Variants in ADGRF4 observed in about 807,000 individuals in gnomAD.
ADGRF4 encodes adhesion G protein-coupled receptor F4, also known as G-protein coupled receptor PGR18.
ADGRF4 carries 63 observed loss-of-function variants against 58.5 expected under a neutral mutation model. The ratio of observed to expected loss-of-function variants is 1.08; its 90% CI spans 0.88 to 1.33. The LOEUF (loss-of-function observed/expected upper bound fraction) is 1.33, where lower values mean the gene tolerates loss of function less well. Among genes scored for constraint, ADGRF4 ranks in the 40% most tolerant of loss-of-function variants. The probability of loss-of-function intolerance (pLI) is 0.00; values close to 1 mark genes in which losing one functional copy is unlikely to be tolerated. For missense variants in ADGRF4, 931 were observed against 843.9 expected (o/e 1.10, Z -1.28); for synonymous variants, 313 against 295.4 (o/e 1.06, Z -0.61).
chr6:47,708,298 T>C lies in ADGRF4; in HGVS notation c.148+20T>C, dbSNP rs114461708. On this transcript the variant is annotated intron_variant, in intron 3 of 9. Transcript: ENST00000283303. ...TCCAAGGTATGTGGCTATAGAACAGTCTTCATCCATTTGAAGACAGGGAAG... is the reference window on the plus strand; with the variant it reads ...TCCAAGGTATGTGGCTATAGAACAGCCTTCATCCATTTGAAGACAGGGAAG... The C allele has an allele frequency of 0.018, 28,962 of 1,583,078 alleles. 332 individuals are homozygous for C. The highest frequency in any genetic ancestry group is 0.034 in the Middle Eastern group (205 of 5,978).
intron 3 of ADGRF4, among the ~76,000 whole-genome samples, chr6:47,709,953 G>C (rs1771821287): frequency 6.6e-6 from 1 of 152,090 alleles, no homozygotes; most frequent in South Asian, 2.1e-4. Context: ...GCCAGAGAAG[G>C]CTGGAATGTG....
chr6:47,716,242 T>C (rs1772015312), intron 6 of ADGRF4, among the ~76,000 whole-genome samples: 1 of 152,108 alleles, frequency 6.6e-6, no homozygotes, highest in South Asian at 2.1e-4. Context: ...TGATGAGTGT[T>C]TCTTCACCAT....
rs1186711436 is a variant in ADGRF4, at chr6:47,714,811, C to G, written c.1566C>G (p.Gly522=). ...TGATGGTCATTGGCTTTGCCATTGG[C>G]TATGGGTGCCCATTGATCATTGCTG... The part of the protein sequence containing the change: ...SRMMVIGFAI[G]YGCPLIIAVT... Residue 522 remains glycine (G), a synonymous_variant, in exon 6 of 10, where the codon GGC becomes GGG. Coordinates refer to ENST00000283303, the MANE Select transcript of ADGRF4 (RefSeq NM_153838.5). 3 of 1,613,546 alleles carry G rather than the reference C, an allele frequency of 1.9e-6. No homozygotes were observed. The highest frequency in any genetic ancestry group is 2.5e-6 in the Non-Finnish European group (3 of 1,179,454).
chr6:47,710,792 A>G lies in ADGRF4; in HGVS notation c.206A>G (p.Asp69Gly). The change falls in exon 4 of 10, where the codon GAC becomes GGC. Residue 69 changes from aspartate to glycine, a missense_variant. Transcript: ENST00000283303. ...AACTGCAGCCAGCCCTGTGCTAAGG[A>G]CTTTCATGGAGAAATAGGATTTACA... Reference protein sequence around the residue: ...SSNCSQPCAKDFHGEIGFTCN... With the variant: ...SSNCSQPCAKGFHGEIGFTCN... 6.2e-7 allele frequency: 1 copy of G among 1,613,708 alleles called. No individual in the cohort carries two copies. The highest frequency in any genetic ancestry group is 8.5e-7 in the Non-Finnish European group (1 of 1,179,704).
intron 7 of ADGRF4, 148 bp downstream of exon 7, chr6:47,716,995 A>C (rs1772035973): frequency 1.5e-6 from 1 of 653,492 alleles, no homozygotes; most frequent in East Asian, 2.6e-5. Flanking sequence ...AGAAAAAAAA[A>C]ACACACCAAT....
chr6:47,710,477 A>T (rs937888864), intron 3 of ADGRF4, among the ~76,000 whole-genome samples: 2 of 151,926 alleles, frequency 1.3e-5, no homozygotes, highest in African/African-American at 4.8e-5. Context: ...ATCTCTTGCC[A>T]CTCCCCCTTC....
intron 2 of ADGRF4, among the ~76,000 whole-genome samples, chr6:47,707,925 CTG>C (rs1771759158): frequency 6.6e-6 from 1 of 152,184 alleles, no homozygotes; most frequent in African/African-American, 2.4e-5. Flanking sequence ...ATTCTCATCT[CTG>C]TGTTCTCCCT....
intron 9 of ADGRF4, among the ~76,000 whole-genome samples, chr6:47,720,086 C>T (rs1772121155): frequency 6.6e-6 from 1 of 152,128 alleles, no homozygotes; most frequent in Non-Finnish European, 1.5e-5. Context: ...TTGCAGCTGG[C>T]ATCATGGTAG....
At chr6:47,710,578 T>C (rs1202065628) in intron 3 of ADGRF4, among the ~76,000 whole-genome samples, 157 bp from the exon 4 acceptor site, 2 of 152,168 alleles carry the variant, frequency 1.3e-5, no homozygotes, top group Admixed American at 1.3e-4. Context: ...ACAATCTACC[T>C]GGCAGCTCTT....
At chr6:47,715,255 A>G (rs74759462) in intron 6 of ADGRF4, 78 bp downstream of exon 6, 1 of 1,041,590 alleles carries the variant, frequency 9.6e-7, no homozygotes, top group Admixed American at 2.3e-5. Context: ...AAATTATATA[A>G]CACAAAATGT....
At chr6:47,705,999 G>A (rs537454827) in intron 1 of ADGRF4, among the ~76,000 whole-genome samples, 1 of 152,288 alleles carries the variant, frequency 6.6e-6, no homozygotes, top group East Asian at 1.9e-4. Context: ...GTAAATGTTG[G>A]TTGATAGAAT....
intron 5 of ADGRF4, 64 bp from the exon 6 acceptor site, chr6:47,713,734 A>G: frequency 7.6e-7 from 1 of 1,309,318 alleles, no homozygotes; most frequent in South Asian, 1.9e-5. Context: ...TTCAGGTTTT[A>G]GAAATCAACT....
At chr6:47,705,560 C>T (rs964357252) in intron 1 of ADGRF4, among the ~76,000 whole-genome samples, 1 of 152,210 alleles carries the variant, frequency 6.6e-6, no homozygotes, top group Non-Finnish European at 1.5e-5. Flanking sequence ...ACACACCTTC[C>T]CCTCTGTTCA....
chr6:47,704,442 C>T (rs1044982962), intron 1 of ADGRF4, among the ~76,000 whole-genome samples: 22 of 152,288 alleles, frequency 1.4e-4, no homozygotes, highest in Admixed American at 4.6e-4. Flanking sequence ...CCTTCAGCAT[C>T]GGTCCTATTA....
At chr6:47,703,002 A>G (rs1204931964) in intron 1 of ADGRF4, among the ~76,000 whole-genome samples, 3 of 151,776 alleles carry the variant, frequency 2.0e-5, no homozygotes, top group Non-Finnish European at 4.4e-5. Flanking sequence ...CATCTGGACA[A>G]TTCTCACTCT....
At chr6:47,703,825 A>G (rs1009754740) in intron 1 of ADGRF4, among the ~76,000 whole-genome samples, 3 of 152,204 alleles carry the variant, frequency 2.0e-5, no homozygotes, top group African/African-American at 7.2e-5. Flanking sequence ...ATTTGCAGAA[A>G]ATGTCATAGC....
chr6:47,709,916 T>G (rs1044641103), intron 3 of ADGRF4, among the ~76,000 whole-genome samples: 1 of 151,960 alleles, frequency 6.6e-6, no homozygotes, highest in Admixed American at 6.6e-5. Flanking sequence ...CCAAACATAG[T>G]GCTGAAGCCC....
rs1011806178 is a variant in ADGRF4 at position 47,720,584 on chromosome 6, G to A, written c.*4-625G>A. ...TGGAGAAACAGGGAACTTAGCTTTG[G>A]GTATAGATTCTCATTGGGAACCCCA... On this transcript the variant is annotated intron_variant, in intron 9 of 9. Coordinates refer to ENST00000283303, the MANE Select transcript of ADGRF4 (RefSeq NM_153838.5). 2.6e-5 allele frequency among the ~76,000 whole-genome samples: 4 copies of A among 152,124 alleles called. No homozygotes were observed. The South Asian group carries it at 8.3e-4, about 32-fold the overall frequency.
intron 1 of ADGRF4, among the ~76,000 whole-genome samples, chr6:47,706,932 T>C (rs1159815280): frequency 6.6e-6 from 1 of 152,264 alleles, no homozygotes; most frequent in Non-Finnish European, 1.5e-5. Flanking sequence ...GACTATTAAA[T>C]AAACTTGTTA....
Sources: allele counts gnomAD v4.1 joint callset (sites outside exome capture counted in the v4.1 genomes callset), GRCh38; gene constraint gnomAD v4.1.1; transcripts MANE v1.5; gene names NCBI Gene and HGNC (gene_info 2026-07-23, HGNC 2026-07-21).